Variants in TRMT9B observed in about 807,000 individuals in gnomAD.
The protein encoded by TRMT9B is tRNA methyltransferase 9B (putative).
Under a neutral mutation model 11.5 loss-of-function variants are expected in TRMT9B, and 16 were observed. The observed-to-expected ratio is 1.39, with a 90% CI of 0.94 to 2.11. The LOEUF (loss-of-function observed/expected upper bound fraction) is 2.11, where lower values mean the gene tolerates loss of function less well. Among genes scored for constraint, TRMT9B ranks in the 30% most tolerant of loss-of-function variants. The probability of loss-of-function intolerance (pLI) is 0.00; values close to 1 mark genes in which losing one functional copy is unlikely to be tolerated. For missense variants in TRMT9B, 941 were observed against 553.8 expected (o/e 1.70, Z -7.02); for synonymous variants, 274 against 192.4 (o/e 1.42, Z -3.51).
In TRMT9B at chr8:13,023,640, T is replaced by C. The variant is rs1023943862; in HGVS notation, c.*1596T>C. The C allele has an allele frequency of 3.6e-5, 6 of 167,096 alleles. No individual in the cohort carries two copies. The Admixed American group carries it at 3.9e-4, about 11-fold the overall frequency. The allele number at this position is 167,096 out of a possible 1,614,324, so 10.4% of individuals were successfully genotyped here. ...AGTACAGTCTCAAGTAGTTCATTAA[T>C]GAGAAAATTGACATCTGACAAGAGT... is the stretch of plus-strand genomic sequence containing the variant. On this transcript the variant is annotated 3_prime_UTR_variant, in exon 5 of 5. Transcript: ENST00000524591.
In TRMT9B at chr8:13,029,546, T is replaced by C. The variant is rs115957295; in HGVS notation, c.*7502T>C. On this transcript the variant is annotated 3_prime_UTR_variant, in exon 5 of 5. Transcript: ENST00000524591. ...AAAAGTGTTCCCAGGTGAACAAAAGTTTGCTTTTCTTCACCATTCTGTACA... is the reference window on the plus strand; with the variant it reads ...AAAAGTGTTCCCAGGTGAACAAAAGCTTGCTTTTCTTCACCATTCTGTACA... The C allele has an allele frequency of 6.0e-6, 1 of 166,918 alleles. No homozygotes were observed. The highest frequency in any genetic ancestry group is 2.4e-5 in the African/African-American group (1 of 41,580). 10.3% of individuals were successfully genotyped at this position (166,918 alleles called of 1,614,324 possible).
chr8:12,979,271 A>G (rs755730983), intron 1 of TRMT9B, among the ~76,000 whole-genome samples: 1 of 152,190 alleles, frequency 6.6e-6, no homozygotes, highest in African/African-American at 2.4e-5. Context: ...CGCATAAAGT[A>G]TGTGGGGAGG....
intron 4 of TRMT9B, among the ~76,000 whole-genome samples, chr8:13,018,516 GT>G (rs1454210672): frequency 1.3e-5 from 2 of 151,836 alleles, no homozygotes; most frequent in Non-Finnish European, 2.9e-5. Context: ...CGTTTTAAAG[GT>G]TTTTTTGTCT....
chr8:12,959,516 C>CTCTTTTTTTTTTTTTTTTTTTTTTTTTT (rs757156112), intron 1 of TRMT9B, among the ~76,000 whole-genome samples: 1 of 74,896 alleles, frequency 1.3e-5, no homozygotes, highest in African/African-American at 5.0e-5. Context: ...TTTTTCCTTC[C>CTCTTTTTTTTTTTTTTTTTTTTTTTTTT]TTTTTTTTTT....
intron 2 of TRMT9B, among the ~76,000 whole-genome samples, chr8:12,994,694 T>A (rs1207581214): frequency 6.6e-6 from 1 of 152,226 alleles, no homozygotes; most frequent in African/African-American, 2.4e-5. Flanking sequence ...TCTTTTTTTT[T>A]ATTTGAGACG....
At chr8:12,964,809 C>T (rs1389494891) in intron 1 of TRMT9B, among the ~76,000 whole-genome samples, 1 of 152,088 alleles carries the variant, frequency 6.6e-6, no homozygotes, top group Non-Finnish European at 1.5e-5. Flanking sequence ...CTAGGCTGGT[C>T]TCAAACTCCT....
chr8:12,985,414 T>C (rs2128875478), intron 1 of TRMT9B, among the ~76,000 whole-genome samples: 1 of 152,320 alleles, frequency 6.6e-6, no homozygotes, highest in East Asian at 1.9e-4. Context: ...GAAGCTGTTT[T>C]ACTGGCTCAT....
chr8:12,946,970 A>T (rs1800299897), intron 1 of TRMT9B, among the ~76,000 whole-genome samples: 1 of 151,824 alleles, frequency 6.6e-6, no homozygotes, highest in Non-Finnish European at 1.5e-5. Flanking sequence ...CTAGCAGCAA[A>T]ATGGCTGAAG....
At chr8:12,959,516 C>CTCTTTTTTTTTTTT (rs757156112) in intron 1 of TRMT9B, among the ~76,000 whole-genome samples, 15 of 74,896 alleles carry the variant, frequency 2.0e-4, no homozygotes, top group African/African-American at 6.5e-4. Flanking sequence ...TTTTTCCTTC[C>CTCTTTTTTTTTTTT]TTTTTTTTTT....
At chr8:12,979,903 GT>G (rs1805076374) in intron 1 of TRMT9B, among the ~76,000 whole-genome samples, 1 of 152,176 alleles carries the variant, frequency 6.6e-6, no homozygotes, top group Non-Finnish European at 1.5e-5. Flanking sequence ...TGGAAAATGG[GT>G]TTGAACCCTG....
At chr8:12,998,545 G>A (rs1023183906) in intron 2 of TRMT9B, among the ~76,000 whole-genome samples, 2 of 152,216 alleles carry the variant, frequency 1.3e-5, no homozygotes, top group African/African-American at 4.8e-5. Flanking sequence ...TGATGACAGG[G>A]CTAAGTGCTT....
At chr8:12,977,791 G>T (rs903125168) in intron 1 of TRMT9B, among the ~76,000 whole-genome samples, 1 of 151,966 alleles carries the variant, frequency 6.6e-6, no homozygotes, top group Non-Finnish European at 1.5e-5. Context: ...GGGGCAGGAG[G>T]ATGGCTTGAG....
At chr8:12,959,412 G>A (rs1012788674) in intron 1 of TRMT9B, among the ~76,000 whole-genome samples, 4 of 149,092 alleles carry the variant, frequency 2.7e-5, no homozygotes, top group African/African-American at 7.4e-5. Flanking sequence ...ATAAATGTAT[G>A]TTGTCTTTAT....
chr8:13,001,430 G>A (rs1002634001), intron 2 of TRMT9B, among the ~76,000 whole-genome samples: 1 of 152,144 alleles, frequency 6.6e-6, no homozygotes, highest in Non-Finnish European at 1.5e-5. Flanking sequence ...TAGTTAAAAC[G>A]TTTACCGTCT....
intron 1 of TRMT9B, among the ~76,000 whole-genome samples, chr8:12,978,181 A>G (rs1027333551): frequency 6.6e-6 from 1 of 152,170 alleles, no homozygotes; most frequent in Non-Finnish European, 1.5e-5. Flanking sequence ...AATAATGTGC[A>G]TAACTCACAA....
chr8:13,019,399 T>C (rs535585327), intron 4 of TRMT9B, among the ~76,000 whole-genome samples: 43 of 152,300 alleles, frequency 2.8e-4, no homozygotes, highest in African/African-American at 1.0e-3. Context: ...TCAAATGATC[T>C]TCCCACTTCA....
At chr8:12,950,727 T>C (rs1800539503) in intron 1 of TRMT9B, among the ~76,000 whole-genome samples, 1 of 152,134 alleles carries the variant, frequency 6.6e-6, no homozygotes, top group Non-Finnish European at 1.5e-5. Flanking sequence ...TGACGTCCAT[T>C]AGCCCTCTTA....
At chr8:13,008,831 C>G (rs1563417259) in intron 3 of TRMT9B, among the ~76,000 whole-genome samples, 2 of 152,140 alleles carry the variant, frequency 1.3e-5, no homozygotes, top group Non-Finnish European at 2.9e-5. Context: ...CGGGTTCACG[C>G]CATTCTCCTG....
At chr8:12,960,517 A>G (rs1801960001) in intron 1 of TRMT9B, 1 of 152,258 alleles carries the variant, frequency 6.6e-6, no homozygotes. Context: ...AAATGTCTGT[A>G]GCCACTTTGT....
Sources: allele counts gnomAD v4.1 joint callset (sites outside exome capture counted in the v4.1 genomes callset), GRCh38; gene constraint gnomAD v4.1.1; transcripts MANE v1.5; gene names NCBI Gene and HGNC (gene_info 2026-07-23, HGNC 2026-07-21).